The following DPYD variants were observed in gnomAD, a reference collection of about 807,000 sequenced individuals.
DPYD encodes dihydropyrimidine dehydrogenase [NADP(+)].
DPYD carries 109 observed loss-of-function variants against 116.2 expected under a neutral mutation model. The ratio of observed to expected loss-of-function variants is 0.94; its 90% CI spans 0.80 to 1.10. DPYD has a LOEUF of 1.10. DPYD is among the 50% of genes least tolerant of loss of function. DPYD has a pLI of 0.00. For missense variants in DPYD, 1,302 were observed against 1,254.5 expected, an observed-to-expected ratio of 1.04 and a Z score of -0.57; for synonymous variants, 440 against 432.0, an observed-to-expected ratio of 1.02 and a Z score of -0.23.
At chr1:97,297,784 G>A (rs1466805706) in intron 18 of DPYD, among the ~76,000 whole-genome samples, 2 of 152,160 alleles carry the variant, frequency 1.3e-5, no homozygotes, top group East Asian at 1.9e-4. Context: ...CAATATGCTA[G>A]TGTCTATACA....
At chr1:97,417,293 T>C (rs947589218) in intron 14 of DPYD, among the ~76,000 whole-genome samples, 10 of 152,160 alleles carry the variant, frequency 6.6e-5, no homozygotes, top group African/African-American at 2.2e-4. Flanking sequence ...ATTTGTTTAT[T>C]TGTCTATTTA....
chr1:97,189,591 T>G (rs750358725), intron 20 of DPYD, among the ~76,000 whole-genome samples: 2 of 152,206 alleles, frequency 1.3e-5, no homozygotes, highest in African/African-American at 4.8e-5. Context: ...CAAATAGTAA[T>G]GTTTTCTTTT....
At chr1:97,678,210 TAG>T (rs1323673313) in intron 8 of DPYD, among the ~76,000 whole-genome samples, 1 of 152,152 alleles carries the variant, frequency 6.6e-6, no homozygotes, top group African/African-American at 2.4e-5. Context: ...CAGTTCACAA[TAG>T]AGTTTGCACT....
chr1:97,515,762 C>G lies in DPYD; in HGVS notation c.1704G>C (p.Trp568Cys), dbSNP rs1260757806. 6.2e-7 allele frequency: 1 copy of G among 1,612,670 alleles called. No homozygotes were observed. The highest frequency in any genetic ancestry group is 1.7e-5 in the Admixed American group (1 of 59,822). Residue 568 changes from tryptophan (W) to cysteine (C), a missense_variant, in exon 13 of 23, where the codon TGG becomes TGC. Transcript: ENST00000370192. ...AGAAAGTTTTGGTGAGGGCAAAACC[C>G]CATCCAGCTTCAAAAGCTCTTCGAA... ...SMIRRAFEAG[W>C]GFALTKTFSL... is the part of the protein sequence containing the mutation.
intron 14 of DPYD, among the ~76,000 whole-genome samples, chr1:97,436,218 G>C (rs757372751): frequency 1.3e-5 from 2 of 151,902 alleles, no homozygotes; most frequent in African/African-American, 2.4e-5. Flanking sequence ...GTACCAAATT[G>C]ATACTAAGTA....
At chr1:97,435,495 C>T (rs1177222592) in intron 14 of DPYD, among the ~76,000 whole-genome samples, 1 of 151,796 alleles carries the variant, frequency 6.6e-6, no homozygotes, top group Admixed American at 6.6e-5. Flanking sequence ...GGTGATTAAG[C>T]TAGTAGTCCT....
At chr1:97,728,754 A>G (rs571500632) in intron 4 of DPYD, among the ~76,000 whole-genome samples, 1 of 152,190 alleles carries the variant, frequency 6.6e-6, no homozygotes, top group Non-Finnish European at 1.5e-5. Context: ...GAATGTACTG[A>G]TGTACATTAA....
At chr1:97,273,864 T>C (rs1206651188) in intron 18 of DPYD, among the ~76,000 whole-genome samples, 4 of 152,170 alleles carry the variant, frequency 2.6e-5, no homozygotes. Flanking sequence ...TATTTAGTAA[T>C]AATATTCCAG....
intron 11 of DPYD, among the ~76,000 whole-genome samples, chr1:97,567,865 T>C (rs893238675): frequency 1.3e-5 from 1 of 76,754 alleles, no homozygotes; most frequent in African/African-American, 3.6e-5. Context: ...AAATTCAAAA[T>C]GGAGATTTCT....
intron 8 of DPYD, among the ~76,000 whole-genome samples, chr1:97,610,643 A>G (rs1420159742): frequency 6.6e-6 from 1 of 152,020 alleles, no homozygotes; most frequent in African/African-American, 2.4e-5. Context: ...TGGACATATG[A>G]TCAAATAACT....
intron 3 of DPYD, among the ~76,000 whole-genome samples, chr1:97,781,200 AT>A (rs1666724853): frequency 6.6e-6 from 1 of 152,222 alleles, no homozygotes; most frequent in Non-Finnish European, 1.5e-5. Context: ...ATTACTATAA[AT>A]GTTTAAACAT....
intron 16 of DPYD, among the ~76,000 whole-genome samples, chr1:97,363,953 TA>T (rs995443239): frequency 1.3e-3 from 205 of 152,298 alleles, no homozygotes; most frequent in African/African-American, 4.8e-3. Context: ...ATTATACGTA[TA>T]AAAAATGATA....
intron 16 of DPYD, among the ~76,000 whole-genome samples, chr1:97,357,028 A>T (rs926461453): frequency 6.6e-6 from 1 of 152,198 alleles, no homozygotes; most frequent in African/African-American, 2.4e-5. Flanking sequence ...TACACATTTT[A>T]GAATTATATT....
At chr1:97,746,937 T>C (rs2101086272) in intron 3 of DPYD, among the ~76,000 whole-genome samples, 1 of 151,576 alleles carries the variant, frequency 6.6e-6, no homozygotes, top group South Asian at 2.1e-4. Flanking sequence ...TTGTTAGTGG[T>C]GTGTGTTTTT....
At chr1:97,415,648 A>C (rs1367160256) in intron 14 of DPYD, among the ~76,000 whole-genome samples, 1 of 152,108 alleles carries the variant, frequency 6.6e-6, no homozygotes, top group Non-Finnish European at 1.5e-5. Flanking sequence ...AAAAAATACT[A>C]TGCTTCCTGA....
At chr1:97,794,926 G>T (rs1667491378) in intron 3 of DPYD, among the ~76,000 whole-genome samples, 1 of 152,038 alleles carries the variant, frequency 6.6e-6, no homozygotes, top group Non-Finnish European at 1.5e-5. Flanking sequence ...TGTTGTTAGT[G>T]ATTAGAATAT....
intron 20 of DPYD, among the ~76,000 whole-genome samples, chr1:97,163,875 C>A (rs1295000418): frequency 6.6e-6 from 1 of 152,104 alleles, no homozygotes; most frequent in African/African-American, 2.4e-5. Context: ...CTTTTAGAAA[C>A]AAGATTGAGA....
At chr1:97,645,150 A>G (rs891050390) in intron 8 of DPYD, among the ~76,000 whole-genome samples, 1 of 152,032 alleles carries the variant, frequency 6.6e-6, no homozygotes, top group Non-Finnish European at 1.5e-5. Flanking sequence ...GGTTGTTTCC[A>G]TTACTTTGCT....
chr1:97,328,588 A>G (rs1668824333), intron 16 of DPYD, among the ~76,000 whole-genome samples: 1 of 152,200 alleles, frequency 6.6e-6, no homozygotes, highest in South Asian at 2.1e-4. Context: ...TACTTAACAG[A>G]TGAATAAATG....
Sources: allele counts gnomAD v4.1 joint callset (sites outside exome capture counted in the v4.1 genomes callset), GRCh38; gene constraint gnomAD v4.1.1; transcripts MANE v1.5; gene names NCBI Gene and HGNC (gene_info 2026-07-23, HGNC 2026-07-21).